Variants in BNC2 observed in about 807,000 individuals in gnomAD.
The protein encoded by BNC2 is zinc finger protein basonuclin-2.
Under a neutral mutation model 76.3 loss-of-function variants are expected in BNC2, and 20 were observed. The observed-to-expected ratio is 0.26, with a 90% CI of 0.18 to 0.38. The LOEUF (loss-of-function observed/expected upper bound fraction) is 0.38. Among genes scored for constraint, BNC2 ranks in the 10% least tolerant of loss-of-function variants. The pLI is 1.00. For missense variants in BNC2, 1,382 were observed against 1,399.8 expected (o/e 0.99, Z 0.20); for synonymous variants, 582 against 514.8 (o/e 1.13, Z -1.77).
chr9:16,534,321 G>A (rs1222122371), intron 5 of BNC2, among the ~76,000 whole-genome samples: 5 of 152,100 alleles, frequency 3.3e-5, no homozygotes, highest in African/African-American at 1.2e-4. Flanking sequence ...ATGCAGGAAT[G>A]GACATCTAAC....
chr9:16,425,543 GTTAATCATC>G (rs1820788217), intron 6 of BNC2, among the ~76,000 whole-genome samples: 1 of 152,170 alleles, frequency 6.6e-6, no homozygotes, highest in Non-Finnish European at 1.5e-5. Context: ...TCCCAGGAAT[GTTAATCATC>G]TTCAAGCTTC....
At chr9:16,421,221 C>A in intron 6 of BNC2, 1 of 1,272,012 alleles carries the variant, frequency 7.9e-7, no homozygotes, top group Non-Finnish European at 1.0e-6. Flanking sequence ...GGGCAGAGGG[C>A]AGCAGCCCTC....
intron 4 of BNC2, among the ~76,000 whole-genome samples, chr9:16,573,086 G>A (rs1819372761): frequency 6.6e-6 from 1 of 151,904 alleles, no homozygotes; most frequent in African/African-American, 2.4e-5. Flanking sequence ...AAATTAGCTG[G>A]GCGTGGTAGC....
chr9:16,599,750 T>G (rs1563857275), intron 3 of BNC2, among the ~76,000 whole-genome samples: 2 of 152,212 alleles, frequency 1.3e-5, no homozygotes. Context: ...GCCACTGCAC[T>G]CCCACCTAGG....
intron 5 of BNC2, among the ~76,000 whole-genome samples, chr9:16,482,530 A>G (rs947491056): frequency 3.9e-5 from 6 of 152,194 alleles, no homozygotes; most frequent in Non-Finnish European, 7.3e-5. Flanking sequence ...TTTAAATTGT[A>G]AGCTAGCACC....
chr9:16,650,052 G>T (rs921901470), intron 3 of BNC2, among the ~76,000 whole-genome samples: 1 of 152,160 alleles, frequency 6.6e-6, no homozygotes, highest in African/African-American at 2.4e-5. Context: ...TCAACCCTGG[G>T]TGCATGGCAG....
Position 16,437,396 on chromosome 9 carries a change from T to C in BNC2, c.798A>G (p.Lys266=), listed in dbSNP as rs1821041221. 6.2e-7 allele frequency: 1 copy of C among 1,611,918 alleles called. No individual in the cohort carries two copies. The highest frequency in any genetic ancestry group is 8.5e-7 in the Non-Finnish European group (1 of 1,178,260). Residue 266 remains lysine, a synonymous_variant, in exon 6 of 7, where the codon AAA becomes AAG. Coordinates refer to ENST00000380672, the MANE Select transcript of BNC2 (RefSeq NM_017637.6). ...ATGGTACAGCCACGGCCTGCCCTTC[T>C]TTCTCCTGAATTGCCATCAGCTCCA... ...SIVELMAIQE[K]EGQAVAVPSS...
At chr9:16,444,352 C>T (rs1022642909) in intron 5 of BNC2, among the ~76,000 whole-genome samples, 2 of 152,286 alleles carry the variant, frequency 1.3e-5, no homozygotes, top group African/African-American at 4.8e-5. Context: ...TACCTCCCTA[C>T]AGAGCTAACA....
chr9:16,630,832 C>T (rs576722105), intron 3 of BNC2, among the ~76,000 whole-genome samples: 5 of 150,282 alleles, frequency 3.3e-5, no homozygotes, highest in East Asian at 3.9e-4. Context: ...CTCCGCCTCC[C>T]GGGTTCAAGC....
chr9:16,557,263 T>C (rs555028424), intron 4 of BNC2, among the ~76,000 whole-genome samples: 22 of 151,854 alleles, frequency 1.4e-4, no homozygotes, highest in African/African-American at 4.8e-4. Flanking sequence ...CTTTGGGAGG[T>C]TGCAGTGGGC....
intron 3 of BNC2, among the ~76,000 whole-genome samples, chr9:16,624,245 T>G (rs1456182436): frequency 6.6e-6 from 1 of 152,148 alleles, no homozygotes; most frequent in Non-Finnish European, 1.5e-5. Flanking sequence ...GCATGTGGAC[T>G]CATACCACAG....
At chr9:16,575,394 C>T (rs1199501739) in intron 4 of BNC2, 2 of 985,352 alleles carry the variant, frequency 2.0e-6, no homozygotes, top group South Asian at 9.4e-5. Context: ...TATGTTCCAT[C>T]TGAATAAAAC....
intron 1 of BNC2, among the ~76,000 whole-genome samples, chr9:16,866,688 A>G (rs1230664368): frequency 6.7e-6 from 1 of 149,586 alleles, no homozygotes; most frequent in Admixed American, 6.7e-5. Context: ...AAAAAAAACC[A>G]TAATAGCACC....
At chr9:16,805,101 A>G (rs1017674497) in intron 1 of BNC2, among the ~76,000 whole-genome samples, 8 of 152,098 alleles carry the variant, frequency 5.3e-5, no homozygotes, top group African/African-American at 1.9e-4. Context: ...TTTGGTAGGT[A>G]ACACCACTGG....
intron 5 of BNC2, among the ~76,000 whole-genome samples, chr9:16,509,830 T>C (rs1822712477): frequency 6.6e-6 from 1 of 152,190 alleles, no homozygotes; most frequent in Non-Finnish European, 1.5e-5. Flanking sequence ...GTAGAGGTTG[T>C]TTGTACATTT....
At chr9:16,481,161 G>C (rs754996409) in intron 5 of BNC2, among the ~76,000 whole-genome samples, 1 of 152,048 alleles carries the variant, frequency 6.6e-6, no homozygotes, top group Non-Finnish European at 1.5e-5. Flanking sequence ...TAATCTGATG[G>C]GGAGGTGGAG....
intron 6 of BNC2, among the ~76,000 whole-genome samples, chr9:16,422,789 G>C (rs553224751): frequency 9.2e-5 from 14 of 152,222 alleles, no homozygotes; most frequent in Non-Finnish European, 1.6e-4. Flanking sequence ...AGTCTCCAAA[G>C]AAGGGACAAA....
Position 16,436,197 on chromosome 9 carries a change from A to C in BNC2, c.1997T>G (p.Val666Gly). ...EDDDPNDGGA[V>G]VNDMSHDNHC... ...ATTGTCATGGCTCATGTCATTGACC[A>C]CAGCTCCACCATCATTGGGGTCATC... The change falls in exon 6 of 7, where the codon GTG (valine) becomes GGG (glycine). Residue 666 changes from valine (V) to glycine (G), a missense_variant. By Grantham distance (109) the Val-to-Gly change is moderately radical (BLOSUM62 -3). Coordinates refer to ENST00000380672, the MANE Select transcript of BNC2 (RefSeq NM_017637.6). The C allele has an allele frequency of 6.2e-7, 1 of 1,614,110 alleles. No individual in the cohort carries two copies. The highest frequency in any genetic ancestry group is 8.5e-7 in the Non-Finnish European group (1 of 1,180,022).
intron 1 of BNC2, among the ~76,000 whole-genome samples, chr9:16,809,847 C>A (rs568901102): frequency 1.3e-5 from 2 of 152,232 alleles, no homozygotes; most frequent in East Asian, 1.9e-4. Flanking sequence ...ATTCTGAGTT[C>A]TTTCTATATG....
Sources: gnomAD v4.1 joint callset for allele counts (sites outside exome capture counted in the v4.1 genomes callset) on GRCh38, gnomAD v4.1.1 for gene constraint, MANE v1.5 for transcripts, NCBI Gene and HGNC (gene_info 2026-07-23, HGNC 2026-07-21) for gene names.